The following PGD variants were observed in gnomAD, a reference collection of about 807,000 sequenced individuals.
The protein encoded by PGD is 6-phosphogluconate dehydrogenase, decarboxylating.
Under a neutral mutation model 60.4 loss-of-function variants are expected in PGD, and 21 were observed. The observed-to-expected ratio is 0.35, with a 90% confidence interval of 0.25 to 0.50. PGD has a LOEUF of 0.50. PGD is among the 20% of genes least tolerant of loss of function. The probability of loss-of-function intolerance (pLI) is 0.98; values close to 1 mark genes in which losing one functional copy is unlikely to be tolerated. For synonymous variants in PGD, 230 were observed against 235.9 expected (o/e 0.97, Z 0.23); for missense variants, 477 against 613.1 (o/e 0.78, Z 2.34).
chr1:10,400,701 G>A (rs1639301289), intron 3 of PGD, 129 bp downstream of exon 3: 2 of 683,678 alleles, frequency 2.9e-6, no homozygotes, highest in Admixed American at 6.2e-5. Flanking sequence ...CCAAATGATT[G>A]CTTAACTGTT....
At chr1:10,413,720 A>G (rs527842474) in intron 8 of PGD, among the ~76,000 whole-genome samples, 1 of 152,292 alleles carries the variant, frequency 6.6e-6, no homozygotes, top group East Asian at 1.9e-4. Flanking sequence ...CCTGGCTAAC[A>G]TGATGAAACC....
intron 1 of PGD, 23 bp downstream of exon 1, chr1:10,399,148 C>T: frequency 1.2e-6 from 2 of 1,607,652 alleles, no homozygotes; most frequent in Admixed American, 1.7e-5. Context: ...CCAGGGGCAG[C>T]CCGGCTCGGC....
chr1:10,402,815 G>A lies in PGD; in HGVS notation c.265-256G>A, dbSNP rs139736818. Among the ~76,000 whole-genome samples, 338 of 152,012 alleles carry A rather than the reference G, an allele frequency of 2.2e-3. 1 individual carries two copies. Among genetic ancestry groups the A allele is most frequent in the African/African-American group, 7.7e-3 (320 of 41,476 alleles). ...TGGGATAACAGGCGTGAGCCACCGC[G>A]CCTGGCCTACAAAAAAAATTTTAAA... is the stretch of plus-strand genomic sequence containing the variant. On this transcript the variant is annotated intron_variant, in intron 3 of 12. Transcript: ENST00000270776.
In PGD at chr1:10,399,078, C is replaced by A. The variant is rs756699070; in HGVS notation, c.-40C>A. ...TGCGGGTCTTTCCCTCACTCGTCCT[C>A]CGCGCGTCGCCGCTCTTCGGTTCTG... On this transcript the variant is annotated 5_prime_UTR_variant, in exon 1 of 13. Transcript: ENST00000270776. The A allele has an allele frequency of 1.2e-5, 20 of 1,608,660 alleles. No homozygotes were observed. Among genetic ancestry groups the A allele is most frequent in the Non-Finnish European group, 1.4e-5 (17 of 1,179,516 alleles).
intron 10 of PGD, 104 bp from the exon 11 acceptor site, chr1:10,418,722 C>G: frequency 1.5e-6 from 1 of 647,162 alleles, no homozygotes; most frequent in Non-Finnish European, 2.7e-6. Context: ...TTGCTGTGAG[C>G]TGAGATCGTG....
intron 5 of PGD, 95 bp from the exon 6 acceptor site, chr1:10,407,976 T>G: frequency 2.7e-6 from 2 of 728,626 alleles, no homozygotes; most frequent in African/African-American, 1.8e-5. Context: ...AAGGAAAAGA[T>G]AGGGGTTGGT....
chr1:10,408,521 A>G lies in PGD; in HGVS notation c.519+381A>G, dbSNP rs75202501. Among the ~76,000 whole-genome samples, 652 of 152,322 alleles carry G rather than the reference A, an allele frequency of 4.3e-3. 3 individuals are homozygous for G. Among genetic ancestry groups the G allele is most frequent in the Non-Finnish European group, 7.4e-3 (505 of 68,018 alleles). On this transcript the variant is annotated intron_variant, in intron 6 of 12. Transcript: ENST00000270776. ...GGGTGAAAGGTGGAAGATTGAAGGT[A>G]CTGTTGCTGTGTCAACATTCCATGA...
rs1639657467 is a variant in PGD, at chr1:10,419,666, C to G, written c.1369C>G (p.Leu457Val). 5.0e-6 allele frequency: 8 copies of G among 1,614,208 alleles called. No individual in the cohort carries two copies. Among genetic ancestry groups the G allele is most frequent in the Non-Finnish European group, 6.8e-6 (8 of 1,180,034 alleles). Residue 457 changes from leucine (L) to valine (V), a missense_variant, in exon 13 of 13, where the codon CTC becomes GTC. Leu to Val is a conservative substitution (Grantham distance 32). Transcript: ENST00000270776. ...RDYFGAHTYE[L>V]LAKPGQFIHT... Reference sequence around the variant, plus strand: ...TTACTTCGGGGCTCACACCTATGAACTCTTGGCCAAACCAGGGCAGTTTAT... The same window carrying G: ...TTACTTCGGGGCTCACACCTATGAAGTCTTGGCCAAACCAGGGCAGTTTAT...
At position 10,399,840 on chromosome 1, in the gene PGD, A is replaced by T. The variant is rs1482895796; in HGVS notation, c.84+136A>T. ...CTGTTGCTGCTCGTGGCATTTTTGT[A>T]TGGAAAGGAGAAGCACCCTGTAGGC... On this transcript the variant is annotated intron_variant, in intron 2 of 12. Coordinates refer to ENST00000270776, the MANE Select transcript of PGD (RefSeq NM_002631.4). 5 of 767,074 alleles carry T rather than the reference A, an allele frequency of 6.5e-6. No homozygotes were observed. The East Asian group carries it at 1.3e-4, about 20-fold the overall frequency. The allele number at this position is 767,074 out of a possible 1,614,324, so 47.5% of individuals were successfully genotyped here.
intron 6 of PGD, 61 bp downstream of exon 6, chr1:10,408,201 T>C: frequency 1.0e-6 from 1 of 974,466 alleles, no homozygotes; most frequent in Non-Finnish European, 1.7e-6. Flanking sequence ...AGTGATGAAG[T>C]GCGTGGAGAA....
At chr1:10,408,964 G>A (rs778787347) in intron 6 of PGD, among the ~76,000 whole-genome samples, 3 of 152,074 alleles carry the variant, frequency 2.0e-5, no homozygotes, top group Non-Finnish European at 2.9e-5. Context: ...GCCATGCTGT[G>A]GATGGAAAAA....
chr1:10,419,399 C>T lies in PGD; in HGVS notation c.1210-18C>T, dbSNP rs377563677. 39 of 1,608,196 alleles carry T rather than the reference C, an allele frequency of 2.4e-5. No homozygotes were observed. Among genetic ancestry groups the T allele is most frequent in the African/African-American group, 2.0e-4 (15 of 74,798 alleles). On this transcript the variant is annotated intron_variant, in intron 11 of 12. Coordinates refer to ENST00000270776, the MANE Select transcript of PGD (RefSeq NM_002631.4). Reference sequence around the variant, plus strand: ...CAGGGGCAGATCACTAATCTCTGGCCGTGCGTTTTGTGCTCAGGACTCCTG... The same window carrying T: ...CAGGGGCAGATCACTAATCTCTGGCTGTGCGTTTTGTGCTCAGGACTCCTG...
At chr1:10,407,055 T>G (rs1159564071) in intron 5 of PGD, among the ~76,000 whole-genome samples, 1 of 152,258 alleles carries the variant, frequency 6.6e-6, no homozygotes, top group Non-Finnish European at 1.5e-5. Flanking sequence ...CTTATGCCTG[T>G]AATTTCAGTG....
At chr1:10,418,515 A>G (rs1247464625) in intron 10 of PGD, among the ~76,000 whole-genome samples, 1 of 152,050 alleles carries the variant, frequency 6.6e-6, no homozygotes, top group East Asian at 1.9e-4. Flanking sequence ...GGTGGCTCAC[A>G]CCTGTAATCC....
intron 1 of PGD, 125 bp downstream of exon 1, chr1:10,399,250 T>A: frequency 8.9e-7 from 1 of 1,118,684 alleles, no homozygotes; most frequent in Non-Finnish European, 1.3e-6. Flanking sequence ...CACTTGGGGC[T>A]CTGTGACCCT....
In PGD at chr1:10,417,283, G is replaced by T. The variant is rs575477432; in HGVS notation, c.976-93G>T. On this transcript the variant is annotated intron_variant, in intron 9 of 12. Coordinates refer to ENST00000270776, the MANE Select transcript of PGD (RefSeq NM_002631.4). Reference sequence around the variant, plus strand: ...GTTTTCCTAGAATATTGGCCCTTCTGGGATCTCCACTGCTGATGAGAATAA... The same window carrying T: ...GTTTTCCTAGAATATTGGCCCTTCTTGGATCTCCACTGCTGATGAGAATAA... 5 of 1,454,676 alleles carry T rather than the reference G, an allele frequency of 3.4e-6. No homozygotes were observed. The East Asian group carries it at 9.1e-5, about 27-fold the overall frequency. The allele number at this position is 1,454,676 out of a possible 1,614,324, so 90.1% of individuals were successfully genotyped here. A position where few individuals can be genotyped will look rare whatever the true frequency, so the allele number is the denominator to read the frequency against.
chr1:10,420,092 C>T lies in PGD; in HGVS notation c.*343C>T, dbSNP rs1050721955. On this transcript the variant is annotated 3_prime_UTR_variant, in exon 13 of 13. Coordinates refer to ENST00000270776, the MANE Select transcript of PGD (RefSeq NM_002631.4). ...CTCTGATCAACTGGAACCTCTGTAT[C>T]ATGCGGCTGAATTCCCTTTTTCCTT... 1 of 221,618 alleles carries T rather than the reference C, an allele frequency of 4.5e-6. No individual in the cohort carries two copies. The highest frequency in any genetic ancestry group is 1.1e-4 in the East Asian group (1 of 8,864). 13.7% of individuals were successfully genotyped at this position (221,618 alleles called of 1,614,324 possible).
intron 8 of PGD, among the ~76,000 whole-genome samples, 194 bp from the exon 9 acceptor site, chr1:10,416,793 G>A (rs536607599): frequency 2.8e-4 from 42 of 152,288 alleles, no homozygotes; most frequent in African/African-American, 9.1e-4. Flanking sequence ...CAGTTAAGGT[G>A]GGGCAGGAAC....
chr1:10,410,553 C>G (rs1236550709), intron 6 of PGD, among the ~76,000 whole-genome samples: 1 of 152,098 alleles, frequency 6.6e-6, no homozygotes, highest in Non-Finnish European at 1.5e-5. Flanking sequence ...ATCCAAACAC[C>G]TGGCCTCCTG....
Sources: gnomAD v4.1 joint callset for allele counts (sites outside exome capture counted in the v4.1 genomes callset) on GRCh38, gnomAD v4.1.1 for gene constraint, MANE v1.5 for transcripts, NCBI Gene and HGNC (gene_info 2026-07-23, HGNC 2026-07-21) for gene names.